AGBL1: variants seen among roughly 807,000 people sequenced by gnomAD.
AGBL1 encodes the protein AGBL carboxypeptidase 1.
AGBL1 carries 130 observed loss-of-function variants against 118.9 expected under a neutral mutation model. That is an observed-to-expected ratio of 1.09 (90% CI 0.95 to 1.26). The LOEUF is 1.26. Ranked by LOEUF, AGBL1 falls within the 50% of genes most tolerant of loss-of-function variation. The probability of loss-of-function intolerance (pLI) is 0.00; values close to 1 mark genes in which losing one functional copy is unlikely to be tolerated. For synonymous variants in AGBL1, 555 were observed against 478.9 expected, an observed-to-expected ratio of 1.16 and a Z score of -2.08; for missense variants, 1,584 against 1,298.1, an observed-to-expected ratio of 1.22 and a Z score of -3.38.
chr15:86,851,205 G>C (rs1273537429), intron 22 of AGBL1, among the ~76,000 whole-genome samples: 1 of 152,120 alleles, frequency 6.6e-6, no homozygotes, highest in Non-Finnish European at 1.5e-5. Flanking sequence ...GTGGAAGAAA[G>C]GAGTGCTGCA....
chr15:86,199,399 A>G (rs1279741120), intron 5 of AGBL1, among the ~76,000 whole-genome samples: 1 of 152,226 alleles, frequency 6.6e-6, no homozygotes, highest in Non-Finnish European at 1.5e-5. Context: ...GCCTTAAAAG[A>G]AGATGTAACT....
intron 24 of AGBL1, among the ~76,000 whole-genome samples, chr15:87,006,444 C>T (rs1187411041): frequency 6.6e-6 from 1 of 152,174 alleles, no homozygotes; most frequent in African/African-American, 2.4e-5. Flanking sequence ...CCTCAGACTG[C>T]TGTGCTAGCC....
At chr15:86,092,808 A>G (rs1896120811) in intron 1 of AGBL1, among the ~76,000 whole-genome samples, 1 of 152,124 alleles carries the variant, frequency 6.6e-6, no homozygotes, top group African/African-American at 2.4e-5. Context: ...AGAGAGGGTC[A>G]AATTCCTCCT....
intron 20 of AGBL1, among the ~76,000 whole-genome samples, chr15:86,553,221 T>C (rs1340316419): frequency 6.6e-6 from 1 of 152,220 alleles, no homozygotes; most frequent in Non-Finnish European, 1.5e-5. Context: ...GAGAGAATCC[T>C]TCTTGTTAAT....
intron 14 of AGBL1, among the ~76,000 whole-genome samples, chr15:86,270,885 C>G (rs2079149019): frequency 6.6e-6 from 1 of 152,208 alleles, no homozygotes; most frequent in East Asian, 1.9e-4. Flanking sequence ...TTGGGAGAAC[C>G]ATGTTTCCTC....
In AGBL1 at chr15:86,260,106, A is replaced by G. The variant is rs187686411; in HGVS notation, c.969+2075A>G. 2.9e-3 allele frequency among the ~76,000 whole-genome samples: 441 copies of G among 152,352 alleles called. 4 individuals are homozygous for G. The highest frequency in any genetic ancestry group is 7.5e-3 in the East Asian group (39 of 5,188). On this transcript the variant is annotated intron_variant, in intron 9 of 22. Transcript: ENST00000614907. The stretch of plus-strand genomic sequence containing the variant: ...GTCAGTGTGAGGATGAATTGTAGAG[A>G]AGGAGAGGAGCATGAGAGTCAGGGC...
intron 5 of AGBL1, among the ~76,000 whole-genome samples, chr15:86,171,357 G>A (rs1938897116): frequency 6.6e-6 from 1 of 151,960 alleles, no homozygotes; most frequent in Admixed American, 6.6e-5. Flanking sequence ...GACAACAAGA[G>A]CACAAAGATC....
intron 15 of AGBL1, among the ~76,000 whole-genome samples, chr15:86,273,729 C>G (rs1597662654): frequency 6.6e-6 from 1 of 152,154 alleles, no homozygotes. Context: ...ATACTCTGCT[C>G]TATTTCTATT....
intron 17 of AGBL1, among the ~76,000 whole-genome samples, 191 bp from the exon 18 acceptor site, chr15:86,397,175 C>T (rs188382405): frequency 1.1e-3 from 172 of 151,610 alleles, no homozygotes; most frequent in Non-Finnish European, 1.6e-3. Context: ...TGAGTAAGAT[C>T]GTATCCCATG....
intron 23 of AGBL1, among the ~76,000 whole-genome samples, chr15:86,965,772 C>A (rs980496962): frequency 1.3e-5 from 2 of 152,050 alleles, no homozygotes; most frequent in African/African-American, 4.8e-5. Flanking sequence ...CCAAACACTG[C>A]ATGTTGTCAC....
intron 4 of AGBL1, 50 bp downstream of exon 4, chr15:86,154,611 G>A: frequency 6.4e-7 from 1 of 1,563,156 alleles, no homozygotes; most frequent in South Asian, 1.2e-5. Flanking sequence ...ACCTGGGCTG[G>A]GACACATGGA....
intron 17 of AGBL1, among the ~76,000 whole-genome samples, chr15:86,311,115 C>T (rs28625990): frequency 0.019 from 2,900 of 152,230 alleles, 101 homozygotes; most frequent in African/African-American, 0.067. Flanking sequence ...CAGGCTTCGA[C>T]GCTTGCTTAT....
chr15:86,468,634 T>G (rs771517672), intron 18 of AGBL1, among the ~76,000 whole-genome samples: 3 of 152,184 alleles, frequency 2.0e-5, no homozygotes, highest in Non-Finnish European at 4.4e-5. Context: ...CAGATTTAAA[T>G]TGGACTAAAC....
intron 17 of AGBL1, among the ~76,000 whole-genome samples, chr15:86,320,845 T>A (rs2080094604): frequency 6.6e-6 from 1 of 152,168 alleles, no homozygotes; most frequent in South Asian, 2.1e-4. Flanking sequence ...TCTTCCCACA[T>A]CTATTATAAT....
chr15:86,524,393 A>T (rs71399832), intron 19 of AGBL1, among the ~76,000 whole-genome samples: 3,006 of 152,300 alleles, frequency 0.02, 39 homozygotes, highest in Non-Finnish European at 0.031. Flanking sequence ...GAAAAGGTAA[A>T]TGGCATTCAT....
Position 86,196,861 on chromosome 15 carries a change from GCACATGTGCGCGCGCGCGCACACACA to G in AGBL1, c.489-28048_489-28023del, listed in dbSNP as rs1394884095. On this transcript the variant is annotated intron_variant, in intron 5 of 22. Coordinates refer to ENST00000614907, the MANE Select transcript of AGBL1 (RefSeq NM_001386094.1). The stretch of plus-strand genomic sequence containing the variant: ...CTCCTCTCCCTGCATATGCGAATGT[GCACATGTGCGCGCGCGCGCACACACA>G]CACACACACACACACACACACACAC... Among the ~76,000 whole-genome samples the G allele has an allele frequency of 7.3e-5, 8 of 108,944 alleles. 1 individual carries two copies. Among genetic ancestry groups the G allele is most frequent in the African/African-American group, 2.7e-4 (7 of 25,456 alleles). The allele number at this position is 108,944 out of a possible 152,430, so 71.5% of individuals were successfully genotyped here.
chr15:86,373,688 G>C (rs1339940244), intron 17 of AGBL1, among the ~76,000 whole-genome samples: 1 of 152,106 alleles, frequency 6.6e-6, no homozygotes, highest in Non-Finnish European at 1.5e-5. Context: ...CAAAGACAAA[G>C]GTAACAGAGG....
chr15:86,153,635 G>T (rs2077147500), intron 3 of AGBL1, among the ~76,000 whole-genome samples: 2 of 152,150 alleles, frequency 1.3e-5, no homozygotes, highest in South Asian at 2.1e-4. Flanking sequence ...TTGTGCACAT[G>T]TCCCCTAGAA....
chr15:86,622,191 G>A (rs1025406364), intron 21 of AGBL1, among the ~76,000 whole-genome samples: 5 of 151,962 alleles, frequency 3.3e-5, no homozygotes, highest in South Asian at 2.1e-4. Context: ...TTAGCTAAGC[G>A]TGGTGCTGGG....
Sources: allele counts gnomAD v4.1 joint callset (sites outside exome capture counted in the v4.1 genomes callset), GRCh38; gene constraint gnomAD v4.1.1; transcripts MANE v1.5; gene names NCBI Gene and HGNC (gene_info 2026-07-23, HGNC 2026-07-21).